Variants in LRRC4C observed in about 807,000 individuals in gnomAD.
LRRC4C encodes the protein leucine rich repeat containing 4C, also known as leucine-rich repeat-containing protein 4C.
A neutral mutation model predicts 33.6 loss-of-function variants in LRRC4C; 5 were observed. The ratio of observed to expected loss-of-function variants is 0.15; its 90% CI spans 0.08 to 0.31. The LOEUF is 0.31. Ranked by LOEUF, LRRC4C falls within the 10% of genes least tolerant of loss-of-function variation. LRRC4C has a pLI of 1.00. For synonymous variants in LRRC4C, 329 were observed against 302.0 expected, an observed-to-expected ratio of 1.09 and a Z score of -0.93; for missense variants, 560 against 796.7, an observed-to-expected ratio of 0.70 and a Z score of 3.58.
chr11:41,262,710 A>G (rs945837725), intron 1 of LRRC4C, among the ~76,000 whole-genome samples: 2 of 152,114 alleles, frequency 1.3e-5, no homozygotes, highest in Admixed American at 6.6e-5. Flanking sequence ...TTGGTTCAAA[A>G]TATACATTGC....
intron 1 of LRRC4C, chr11:41,222,881 G>A (rs1222510960): frequency 2.7e-5 from 4 of 146,536 alleles, no homozygotes; most frequent in African/African-American, 1.0e-4. Context: ...GCTGGGGTGT[G>A]TACTTTCAGG....
rs5791378 is a variant in LRRC4C, at chr11:40,417,320, A to AT, written c.-269-97600dup. ...GGAAACATAAAATATGAGAGACATG[A>AT]TTTTTTTTTTATTTATTTATTTCTT... On this transcript the variant is annotated intron_variant, in intron 3 of 6. Transcript: ENST00000528697. Among the ~76,000 whole-genome samples, 34 of 148,730 alleles carry AT rather than the reference A, an allele frequency of 2.3e-4. 1 individual carries two copies. The East Asian group carries it at 2.8e-3, about 12-fold the overall frequency.
intron 5 of LRRC4C, among the ~76,000 whole-genome samples, chr11:40,155,576 C>A (rs369161337): frequency 6.6e-6 from 1 of 152,008 alleles, no homozygotes; most frequent in Non-Finnish European, 1.5e-5. Flanking sequence ...ACCATGAATA[C>A]CTTTATGCAC....
chr11:40,618,840 A>G (rs1962142760), intron 3 of LRRC4C, among the ~76,000 whole-genome samples: 2 of 151,760 alleles, frequency 1.3e-5, no homozygotes, highest in Non-Finnish European at 3.0e-5. Context: ...CTGCCACTGA[A>G]TGGCTGCATA....
At chr11:40,720,399 C>T (rs1946953249) in intron 2 of LRRC4C, among the ~76,000 whole-genome samples, 1 of 152,188 alleles carries the variant, frequency 6.6e-6, no homozygotes, top group Non-Finnish European at 1.5e-5. Flanking sequence ...GAAAACAGCT[C>T]AGGCCTGATT....
chr11:40,691,650 G>A (rs1012122927), intron 2 of LRRC4C, among the ~76,000 whole-genome samples: 4 of 152,010 alleles, frequency 2.6e-5, no homozygotes, highest in African/African-American at 9.7e-5. Context: ...GAAAGTGACT[G>A]GAATTGGTAA....
intron 1 of LRRC4C, among the ~76,000 whole-genome samples, chr11:41,449,492 A>G (rs1955948644): frequency 6.6e-6 from 1 of 152,148 alleles, no homozygotes; most frequent in Non-Finnish European, 1.5e-5. Flanking sequence ...ATGTCCCTAT[A>G]TTCTGGCCCT....
At chr11:40,352,593 G>A (rs1947462304) in intron 3 of LRRC4C, among the ~76,000 whole-genome samples, 1 of 152,094 alleles carries the variant, frequency 6.6e-6, no homozygotes, top group African/African-American at 2.4e-5. Context: ...TTCATCTTGA[G>A]TTGACAAGAT....
chr11:40,607,522 G>A (rs190696271), intron 3 of LRRC4C, among the ~76,000 whole-genome samples: 347 of 152,248 alleles, frequency 2.3e-3, no homozygotes, highest in Non-Finnish European at 3.9e-3. Context: ...GAATGACGCA[G>A]ATGGTGAGGG....
chr11:40,716,638 T>C (rs1387430629), intron 2 of LRRC4C, among the ~76,000 whole-genome samples: 1 of 152,158 alleles, frequency 6.6e-6, no homozygotes, highest in Non-Finnish European at 1.5e-5. Context: ...AGTAATATGC[T>C]GTACCTAAGA....
chr11:40,420,527 T>TA (rs1197938587), intron 3 of LRRC4C, among the ~76,000 whole-genome samples: 8 of 152,070 alleles, frequency 5.3e-5, no homozygotes, highest in Non-Finnish European at 1.0e-4. Context: ...GTCCTTTATT[T>TA]AAAAAAAATT....
chr11:40,950,831 T>A (rs1311165916), intron 1 of LRRC4C, among the ~76,000 whole-genome samples: 2 of 152,034 alleles, frequency 1.3e-5, no homozygotes, highest in Non-Finnish European at 2.9e-5. Context: ...TTTTGCTTTG[T>A]GTTTTTTAAT....
chr11:40,734,353 A>T (rs893895978), intron 2 of LRRC4C, among the ~76,000 whole-genome samples: 1 of 152,002 alleles, frequency 6.6e-6, no homozygotes, highest in Non-Finnish European at 1.5e-5. Flanking sequence ...TTCAGAAACC[A>T]CTCAACTTGT....
At chr11:41,236,729 T>G (rs1045940047) in intron 1 of LRRC4C, among the ~76,000 whole-genome samples, 5 of 152,174 alleles carry the variant, frequency 3.3e-5, no homozygotes, top group South Asian at 4.1e-4. Context: ...AGTTTTCCAG[T>G]AGGACTGTGA....
intron 1 of LRRC4C, among the ~76,000 whole-genome samples, chr11:41,065,969 A>G (rs1012435693): frequency 6.6e-6 from 1 of 152,190 alleles, no homozygotes; most frequent in African/African-American, 2.4e-5. Flanking sequence ...AAACAATGCA[A>G]AAATGCTGAA....
At chr11:41,158,634 C>A (rs1201268436) in intron 1 of LRRC4C, among the ~76,000 whole-genome samples, 5 of 152,118 alleles carry the variant, frequency 3.3e-5, no homozygotes, top group African/African-American at 1.2e-4. Context: ...CCACAAAGTT[C>A]ACCCCAAACA....
chr11:40,616,361 A>G (rs1028237407), intron 3 of LRRC4C, among the ~76,000 whole-genome samples: 11 of 152,096 alleles, frequency 7.2e-5, no homozygotes, highest in Admixed American at 3.3e-4. Context: ...GTGATCCCTC[A>G]GGGATCTAGA....
intron 2 of LRRC4C, among the ~76,000 whole-genome samples, chr11:40,893,990 A>C (rs1434173251): frequency 5.3e-5 from 8 of 152,066 alleles, no homozygotes; most frequent in Non-Finnish European, 8.8e-5. Context: ...TCTTCAGTTA[A>C]CCCCAAGATC....
intron 5 of LRRC4C, among the ~76,000 whole-genome samples, chr11:40,183,096 A>T (rs1348655932): frequency 6.6e-6 from 1 of 152,214 alleles, no homozygotes; most frequent in Admixed American, 6.5e-5. Context: ...TTACCAAAAA[A>T]TAAAGAGATT....
Sources: allele counts gnomAD v4.1 joint callset (sites outside exome capture counted in the v4.1 genomes callset), GRCh38; gene constraint gnomAD v4.1.1; transcripts MANE v1.5; gene names NCBI Gene and HGNC (gene_info 2026-07-23, HGNC 2026-07-21).